The following CNTN3 variants were observed in gnomAD, a reference collection of about 807,000 sequenced individuals.
CNTN3 encodes the protein contactin 3, also known as contactin-3.
In CNTN3, 60 loss-of-function variants were observed where a neutral mutation model predicts 119.1. The ratio of observed to expected loss-of-function variants is 0.50; its 90% CI spans 0.41 to 0.62. The LOEUF (loss-of-function observed/expected upper bound fraction) is 0.62, where lower values mean the gene tolerates loss of function less well. Ranked by LOEUF, CNTN3 falls within the 20% of genes least tolerant of loss-of-function variation. The probability of loss-of-function intolerance (pLI) is 0.00; values close to 1 mark genes in which losing one functional copy is unlikely to be tolerated. For synonymous variants in CNTN3, 450 were observed against 438.7 expected (o/e 1.03, Z -0.32); for missense variants, 1,101 against 1,242.4 (o/e 0.89, Z 1.71).
chr3:74,431,065 T>C (rs931994450), intron 4 of CNTN3, among the ~76,000 whole-genome samples: 1 of 152,158 alleles, frequency 6.6e-6, no homozygotes, highest in Admixed American at 6.5e-5. Flanking sequence ...ACTAGCTTTT[T>C]GTAAAAATTC....
chr3:74,504,178 T>C (rs1703212907), intron 2 of CNTN3, among the ~76,000 whole-genome samples: 3 of 152,208 alleles, frequency 2.0e-5, no homozygotes, highest in African/African-American at 2.4e-5. Context: ...ATACTGTTTT[T>C]CCTTACTGAT....
intron 1 of CNTN3, among the ~76,000 whole-genome samples, chr3:74,598,157 G>T (rs1397336289): frequency 6.6e-6 from 1 of 152,042 alleles, no homozygotes; most frequent in African/African-American, 2.4e-5. Flanking sequence ...AAAGTGGGGA[G>T]GTGATGCTCT....
At chr3:74,500,508 CAA>C (rs57458348) in intron 2 of CNTN3, among the ~76,000 whole-genome samples, 6 of 140,890 alleles carry the variant, frequency 4.3e-5, no homozygotes, top group East Asian at 2.1e-4. Flanking sequence ...CAAATTCGCC[CAA>C]AAAAAAAAAA....
chr3:74,551,001 A>C (rs957025985), intron 1 of CNTN3, among the ~76,000 whole-genome samples: 1 of 152,204 alleles, frequency 6.6e-6, no homozygotes, highest in Non-Finnish European at 1.5e-5. Flanking sequence ...CGAGTCCCCA[A>C]TACGGACTAG....
At chr3:74,317,646 A>G (rs1422222467) in intron 13 of CNTN3, among the ~76,000 whole-genome samples, 1 of 152,110 alleles carries the variant, frequency 6.6e-6, no homozygotes, top group Non-Finnish European at 1.5e-5. Flanking sequence ...TCTTTTCTTT[A>G]AGAATGTTGA....
chr3:74,429,165 C>CTT (rs796405888), intron 4 of CNTN3, among the ~76,000 whole-genome samples: 11 of 147,176 alleles, frequency 7.5e-5, no homozygotes, highest in African/African-American at 2.7e-4. Flanking sequence ...TGGGTTTGTT[C>CTT]TTTTTTTTTT....
At chr3:74,492,440 T>C (rs1053731885) in intron 3 of CNTN3, among the ~76,000 whole-genome samples, 8 of 152,162 alleles carry the variant, frequency 5.3e-5, no homozygotes, top group African/African-American at 1.4e-4. Flanking sequence ...CTAGAAAAGG[T>C]AGTGTCTGAG....
At chr3:74,424,106 A>C (rs1434032802) in intron 5 of CNTN3, among the ~76,000 whole-genome samples, 3 of 152,186 alleles carry the variant, frequency 2.0e-5, no homozygotes, top group Admixed American at 2.0e-4. Context: ...TTCTCTGAGA[A>C]CAGTGATTTA....
chr3:74,509,943 G>A (rs903395442), intron 2 of CNTN3, among the ~76,000 whole-genome samples: 2 of 151,018 alleles, frequency 1.3e-5, no homozygotes, highest in Admixed American at 1.3e-4. Context: ...CTCATCCCCG[G>A]GCTTTATACT....
chr3:74,498,938 C>T (rs966410822), intron 3 of CNTN3, among the ~76,000 whole-genome samples: 1 of 151,782 alleles, frequency 6.6e-6, no homozygotes, highest in East Asian at 1.9e-4. Flanking sequence ...CTCCCAAGCA[C>T]TCCTAAGAGT....
At chr3:74,582,288 C>T (rs1208598517) in intron 1 of CNTN3, among the ~76,000 whole-genome samples, 1 of 151,948 alleles carries the variant, frequency 6.6e-6, no homozygotes, top group South Asian at 2.1e-4. Context: ...CGCCTGTAGT[C>T]CCAGCTACTT....
intron 5 of CNTN3, among the ~76,000 whole-genome samples, chr3:74,418,630 C>G (rs529335751): frequency 6.6e-6 from 1 of 151,870 alleles, no homozygotes; most frequent in Non-Finnish European, 1.5e-5. Flanking sequence ...CATGAGCCAC[C>G]GTGCCCAGCT....
chr3:74,576,522 A>T (rs1704420022), intron 1 of CNTN3, among the ~76,000 whole-genome samples: 1 of 152,214 alleles, frequency 6.6e-6, no homozygotes, highest in Admixed American at 6.5e-5. Context: ...TTCATAAATC[A>T]ATAAGACTTG....
At chr3:74,366,632 G>A (rs1297987759) in intron 8 of CNTN3, among the ~76,000 whole-genome samples, 1 of 151,366 alleles carries the variant, frequency 6.6e-6, no homozygotes, top group African/African-American at 2.4e-5. Flanking sequence ...GCAACCATGG[G>A]AAGATTTGTC....
intron 22 of CNTN3, among the ~76,000 whole-genome samples, chr3:74,265,536 T>C (rs987753005): frequency 6.6e-6 from 1 of 152,312 alleles, no homozygotes; most frequent in African/African-American, 2.4e-5. Context: ...TGCAGACTTT[T>C]ACTTTGCAGA....
chr3:74,612,806 C>A (rs1705104939), intron 1 of CNTN3, among the ~76,000 whole-genome samples: 2 of 152,212 alleles, frequency 1.3e-5, no homozygotes, highest in African/African-American at 4.8e-5. Flanking sequence ...TTATTATTTG[C>A]AAGCCAACAT....
At chr3:74,313,522 G>A (rs1467925291) in intron 13 of CNTN3, among the ~76,000 whole-genome samples, 2 of 152,028 alleles carry the variant, frequency 1.3e-5, no homozygotes, top group Admixed American at 6.6e-5. Context: ...TAGACTCTTG[G>A]CTCCCTAAAT....
intron 2 of CNTN3, among the ~76,000 whole-genome samples, chr3:74,511,234 AG>A (rs1241519082): frequency 6.6e-6 from 1 of 152,182 alleles, no homozygotes; most frequent in Admixed American, 6.6e-5. Flanking sequence ...TCAATTCAGC[AG>A]TTCCATATTG....
intron 1 of CNTN3, among the ~76,000 whole-genome samples, chr3:74,530,724 C>A (rs1170466019): frequency 6.6e-6 from 1 of 151,856 alleles, no homozygotes; most frequent in East Asian, 1.9e-4. Flanking sequence ...GGATGGAGAA[C>A]CCCCTTCTGG....
Sources: gnomAD v4.1 joint callset for allele counts (sites outside exome capture counted in the v4.1 genomes callset) on GRCh38, gnomAD v4.1.1 for gene constraint, MANE v1.5 for transcripts, NCBI Gene and HGNC (gene_info 2026-07-23, HGNC 2026-07-21) for gene names.